Variants in IPMK observed in about 807,000 individuals in gnomAD.
IPMK encodes the protein inositol polyphosphate multikinase.
Under a neutral mutation model 45.8 loss-of-function variants are expected in IPMK, and 17 were observed. That is an observed-to-expected ratio of 0.37 (90% CI 0.25 to 0.56). The LOEUF is 0.56. Among genes scored for constraint, IPMK ranks in the 20% least tolerant of loss-of-function variants. The probability of loss-of-function intolerance (pLI) is 0.79; values close to 1 mark genes in which losing one functional copy is unlikely to be tolerated. For synonymous variants in IPMK, 180 were observed against 184.3 expected (o/e 0.98, Z 0.19); for missense variants, 399 against 498.0 (o/e 0.80, Z 1.89).
At chr10:58,217,467 T>A (rs1312972421) in intron 3 of IPMK, among the ~76,000 whole-genome samples, 1 of 151,356 alleles carries the variant, frequency 6.6e-6, no homozygotes, top group East Asian at 2.0e-4. Context: ...GGCAGGTGGA[T>A]CACCTGAGGG....
chr10:58,216,494 C>G (rs1415008297), intron 3 of IPMK, among the ~76,000 whole-genome samples, 177 bp from the exon 4 acceptor site: 1 of 150,450 alleles, frequency 6.6e-6, no homozygotes, highest in Admixed American at 6.6e-5. Flanking sequence ...AAATTTATAA[C>G]AAGTATAAAC....
Position 58,196,516 on chromosome 10 carries a change from T to C in IPMK, c.811A>G (p.Arg271Gly). 3 of 1,614,086 alleles carry C rather than the reference T, an allele frequency of 1.9e-6. No individual in the cohort carries two copies. Among genetic ancestry groups the C allele is most frequent in the Non-Finnish European group, 2.5e-6 (3 of 1,179,990 alleles). The part of the protein sequence containing the change: ...SQPTTTKLND[R>G]TLAEKFLSKG... ...GACAAAAACTTTTCTGCCAAAGTTC[T>C]GTCATTCAATTTTGTAGTGGTTGGC... is the stretch of plus-strand genomic sequence containing the variant. The change falls in exon 6 of 6, where the codon AGA (arginine) becomes GGA (glycine). Residue 271 changes from arginine (R) to glycine (G), a missense_variant. Physicochemically the swap from Arg to Gly is moderately radical, Grantham distance 125. Transcript: ENST00000373935.
intron 2 of IPMK, among the ~76,000 whole-genome samples, chr10:58,234,478 T>C (rs765263723): frequency 4.6e-5 from 7 of 152,044 alleles, no homozygotes; most frequent in South Asian, 2.1e-4. Flanking sequence ...TATAGACCAA[T>C]GGAACAGAAC....
Position 58,216,207 on chromosome 10 carries a change from G to A in IPMK, c.484C>T (p.Gln162Ter). 6.2e-7 allele frequency: 1 copy of A among 1,612,178 alleles called. No homozygotes were observed. Among genetic ancestry groups the A allele is most frequent in the Non-Finnish European group, 8.5e-7 (1 of 1,179,106 alleles). Reference sequence around the variant, plus strand: ...AATGGGTACTTGCTGACCTGTTGCTGAATCTTCTCAGATGAGGCAAAAGGA... The same window carrying A: ...AATGGGTACTTGCTGACCTGTTGCTAAATCTTCTCAGATGAGGCAAAAGGA... ...YDPFASSEKIQQQVSKYPLME... is the reference protein window; with the variant it reads ...YDPFASSEKI Residue 162 changes from glutamine (Q) to a stop codon, truncating the protein, a stop_gained, in exon 4 of 6, where the codon CAG (glutamine) becomes TAG (stop). Coordinates refer to ENST00000373935, the MANE Select transcript of IPMK (RefSeq NM_152230.5). LOFTEE classifies it high-confidence loss of function.
chr10:58,263,579 G>A (rs902495254), intron 1 of IPMK, among the ~76,000 whole-genome samples: 1 of 151,804 alleles, frequency 6.6e-6, no homozygotes, highest in Non-Finnish European at 1.5e-5. Context: ...CGGCTACTCA[G>A]GAGGCTGAGG....
At chr10:58,252,611 C>CTTTTTT (rs113777957) in intron 1 of IPMK, among the ~76,000 whole-genome samples, 47 of 111,222 alleles carry the variant, frequency 4.2e-4, no homozygotes, top group East Asian at 7.3e-4. Context: ...GTTTTCTTTT[C>CTTTTTT]TTTTTTTTTT....
intron 4 of IPMK, among the ~76,000 whole-genome samples, chr10:58,211,831 G>C (rs71504033): frequency 0.063 from 9,163 of 145,134 alleles, 408 homozygotes; most frequent in South Asian, 0.15. Flanking sequence ...AGGAGGATCC[G>C]GAACCCAGGG....
At chr10:58,221,827 C>A (rs760711353) in intron 3 of IPMK, among the ~76,000 whole-genome samples, 3 of 152,120 alleles carry the variant, frequency 2.0e-5, no homozygotes, top group Non-Finnish European at 4.4e-5. Context: ...TGGCTCACTG[C>A]AACCTCCACC....
At chr10:58,228,129 T>C (rs887758320) in intron 2 of IPMK, among the ~76,000 whole-genome samples, 16 of 152,158 alleles carry the variant, frequency 1.1e-4, no homozygotes, top group African/African-American at 2.9e-4. Flanking sequence ...CCAAGGTAAT[T>C]TAGAGTAAGT....
intron 2 of IPMK, among the ~76,000 whole-genome samples, chr10:58,228,970 C>A (rs572568691): frequency 6.6e-6 from 1 of 152,246 alleles, no homozygotes; most frequent in African/African-American, 2.4e-5. Context: ...TCACTCAAGA[C>A]CTGAACCAAA....
rs776342351 is a variant in IPMK at position 58,196,668 on chromosome 10, C to G, written c.659G>C (p.Cys220Ser). The change falls in exon 6 of 6, where the codon TGC (cysteine) becomes TCC (serine). Residue 220 changes from cysteine to serine, a missense_variant. Transcript: ENST00000373935. Reference protein sequence around the residue: ...GVSRFFHNGYCLRKDAVAASI... With the variant: ...GVSRFFHNGYSLRKDAVAASI... ...GGCAGCAACAGCATCTTTTCTTAAG[C>G]AGTACCCATTATGAAAAAATCTGGA... 1 of 1,595,486 alleles carries G rather than the reference C, an allele frequency of 6.3e-7. No homozygotes were observed. The highest frequency in any genetic ancestry group is 8.5e-7 in the Non-Finnish European group (1 of 1,173,964).
chr10:58,197,415 C>T (rs1837918311), intron 5 of IPMK, among the ~76,000 whole-genome samples: 1 of 150,880 alleles, frequency 6.6e-6, no homozygotes, highest in Admixed American at 6.6e-5. Flanking sequence ...CTTTGGGAGG[C>T]CGAGGTGGGC....
chr10:58,225,472 GATT>G (rs1233174739), intron 3 of IPMK, among the ~76,000 whole-genome samples: 2 of 152,038 alleles, frequency 1.3e-5, no homozygotes, highest in African/African-American at 4.8e-5. Flanking sequence ...GCAATCCCTT[GATT>G]ATTTAAATCA....
chr10:58,233,971 A>G (rs1394530637), intron 2 of IPMK, among the ~76,000 whole-genome samples: 2 of 152,236 alleles, frequency 1.3e-5, no homozygotes, highest in East Asian at 3.8e-4. Context: ...GCAAAGTCTC[A>G]GGATACAAAA....
At chr10:58,247,499 T>C (rs1838819256) in intron 1 of IPMK, among the ~76,000 whole-genome samples, 1 of 151,824 alleles carries the variant, frequency 6.6e-6, no homozygotes, top group South Asian at 2.1e-4. Flanking sequence ...GTTCATGTCC[T>C]TTGTAGGGAC....
At chr10:58,200,157 T>G (rs1202799948) in intron 4 of IPMK, among the ~76,000 whole-genome samples, 1 of 152,134 alleles carries the variant, frequency 6.6e-6, no homozygotes, top group Non-Finnish European at 1.5e-5. Flanking sequence ...CTCTCTCTGT[T>G]GCCCAGGCTG....
intron 1 of IPMK, among the ~76,000 whole-genome samples, chr10:58,256,331 G>A (rs935523955): frequency 5.9e-5 from 9 of 152,264 alleles, no homozygotes; most frequent in South Asian, 4.2e-4. Context: ...TGCCTTATGC[G>A]GTTGAAGATA....
chr10:58,200,745 G>A (rs779083729), intron 4 of IPMK, among the ~76,000 whole-genome samples: 70 of 152,144 alleles, frequency 4.6e-4, no homozygotes, highest in Non-Finnish European at 7.8e-4. Flanking sequence ...ATGATAAAAC[G>A]GTCCCCGAAA....
In IPMK at chr10:58,195,881, A is replaced by C. The variant is rs1837884289; in HGVS notation, c.*195T>G. On this transcript the variant is annotated 3_prime_UTR_variant, in exon 6 of 6. Coordinates refer to ENST00000373935, the MANE Select transcript of IPMK (RefSeq NM_152230.5). The stretch of plus-strand genomic sequence containing the variant: ...ACATTCCTAAGTTTCTTTATTCTTC[A>C]TAGTTTTCTAATGAACAAATAGTTA... 1 of 554,834 alleles carries C rather than the reference A, an allele frequency of 1.8e-6. No individual in the cohort carries two copies. The highest frequency in any genetic ancestry group is 3.6e-5 in the Admixed American group (1 of 27,572). 34.4% of individuals were successfully genotyped at this position (554,834 alleles called of 1,614,324 possible).
Sources: gnomAD v4.1 joint callset for allele counts (sites outside exome capture counted in the v4.1 genomes callset) on GRCh38, gnomAD v4.1.1 for gene constraint, MANE v1.5 for transcripts, NCBI Gene and HGNC (gene_info 2026-07-23, HGNC 2026-07-21) for gene names.